Variants in SNTG1 observed in about 807,000 individuals in gnomAD.
The protein encoded by SNTG1 is syntrophin gamma 1.
In SNTG1, 39 loss-of-function variants were observed where a neutral mutation model predicts 74.7. The observed-to-expected ratio is 0.52, with a 90% CI of 0.40 to 0.68. The LOEUF is 0.68. Among genes scored for constraint, SNTG1 ranks in the 30% least tolerant of loss-of-function variants. The pLI, the probability that SNTG1 is intolerant of heterozygous loss-of-function variation, is 0.00. For synonymous variants in SNTG1, 254 were observed against 217.1 expected (o/e 1.17, Z -1.49); for missense variants, 685 against 609.5 (o/e 1.12, Z -1.30).
chr8:50,590,857 T>C (rs2094687012), intron 12 of SNTG1, 22 bp from the exon 13 acceptor site: 2 of 1,495,134 alleles, frequency 1.3e-6, no homozygotes, highest in Non-Finnish European at 1.8e-6. Context: ...TTCTCACTTT[T>C]ATTATTTATT....
intron 13 of SNTG1, among the ~76,000 whole-genome samples, chr8:50,650,655 A>T (rs2095139231): frequency 6.6e-6 from 1 of 152,022 alleles, no homozygotes; most frequent in Admixed American, 6.6e-5. Context: ...TTCTTTCTGC[A>T]TCTATTCTGA....
intron 13 of SNTG1, among the ~76,000 whole-genome samples, chr8:50,618,504 T>G (rs570635641): frequency 6.6e-6 from 1 of 152,324 alleles, no homozygotes; most frequent in East Asian, 1.9e-4. Context: ...TATAATAAAT[T>G]ACCACAAACC....
At chr8:50,237,510 T>C (rs750156747) in intron 2 of SNTG1, among the ~76,000 whole-genome samples, 1 of 152,190 alleles carries the variant, frequency 6.6e-6, no homozygotes, top group Non-Finnish European at 1.5e-5. Context: ...GAAAACATCA[T>C]CTTATCAACT....
intron 2 of SNTG1, among the ~76,000 whole-genome samples, chr8:50,382,898 G>A (rs1479253886): frequency 6.6e-5 from 10 of 152,154 alleles, no homozygotes; most frequent in Admixed American, 6.5e-4. Context: ...TCTTGGGCAG[G>A]AGTTGGTGCT....
intron 1 of SNTG1, among the ~76,000 whole-genome samples, chr8:49,964,985 A>T (rs1811015386): frequency 6.6e-6 from 1 of 152,220 alleles, no homozygotes; most frequent in Non-Finnish European, 1.5e-5. Flanking sequence ...TTATTAAGGC[A>T]AGTTAAAATT....
At chr8:50,776,088 C>T (rs2095640021) in intron 18 of SNTG1, among the ~76,000 whole-genome samples, 1 of 151,218 alleles carries the variant, frequency 6.6e-6, no homozygotes, top group Non-Finnish European at 1.5e-5. Context: ...AGACAACTTA[C>T]TTTTATTTTA....
At chr8:50,301,440 G>A (rs1348764536) in intron 2 of SNTG1, among the ~76,000 whole-genome samples, 1 of 151,766 alleles carries the variant, frequency 6.6e-6, no homozygotes, top group Non-Finnish European at 1.5e-5. Flanking sequence ...TCTCTTTATT[G>A]ACATTCTATA....
At chr8:49,948,896 G>T (rs895381170) in intron 1 of SNTG1, among the ~76,000 whole-genome samples, 1 of 152,198 alleles carries the variant, frequency 6.6e-6, no homozygotes, top group Non-Finnish European at 1.5e-5. Context: ...GAGAGGCCCA[G>T]TCCACCTTTT....
In SNTG1 at chr8:50,529,012, T is replaced by G. The variant is rs544528039; in HGVS notation, c.467-1165T>G. Among the ~76,000 whole-genome samples the G allele has an allele frequency of 1.5e-3, 228 of 151,990 alleles. 1 individual carries two copies. Among genetic ancestry groups the G allele is most frequent in the African/African-American group, 5.2e-3 (216 of 41,558 alleles). On this transcript the variant is annotated intron_variant, in intron 9 of 18. Transcript: ENST00000642720. Reference sequence around the variant, plus strand: ...AAGATCATTAAGTTTATACCTACCTTCTTTTGGTGTATGTATTTAAACATT... The same window carrying G: ...AAGATCATTAAGTTTATACCTACCTGCTTTTGGTGTATGTATTTAAACATT...
chr8:50,702,519 G>T (rs938028906), intron 15 of SNTG1, among the ~76,000 whole-genome samples: 2 of 152,088 alleles, frequency 1.3e-5, no homozygotes, highest in East Asian at 1.9e-4. Flanking sequence ...TTAAACATTT[G>T]CCAAAGCAGA....
intron 2 of SNTG1, among the ~76,000 whole-genome samples, chr8:50,278,805 T>G (rs2088265839): frequency 6.6e-6 from 1 of 150,924 alleles, no homozygotes; most frequent in African/African-American, 2.4e-5. Context: ...CCACAGTGTT[T>G]CAGATAAGGC....
chr8:50,104,004 A>G lies in SNTG1; in HGVS notation c.-102-68557A>G, dbSNP rs562341445. Among the ~76,000 whole-genome samples, 11 of 152,216 alleles carry G rather than the reference A, an allele frequency of 7.2e-5. 1 individual carries two copies. The highest frequency in any genetic ancestry group is 2.4e-4 in the African/African-American group (10 of 41,528). On this transcript the variant is annotated intron_variant, in intron 1 of 18. Coordinates refer to ENST00000642720, the MANE Select transcript of SNTG1 (RefSeq NM_018967.5). ...ATTTTTGCATCAATGTTCATCAGGG[A>G]TATCAGTCTAAAATTCTCTTTTTTG...
At chr8:50,273,934 A>G (rs2087932175) in intron 2 of SNTG1, among the ~76,000 whole-genome samples, 2 of 152,186 alleles carry the variant, frequency 1.3e-5, no homozygotes, top group South Asian at 4.1e-4. Flanking sequence ...GATTCATTTC[A>G]TCAAAACTTT....
intron 13 of SNTG1, chr8:50,644,447 T>C (rs1465989097): frequency 6.6e-6 from 1 of 152,166 alleles, no homozygotes; most frequent in Admixed American, 6.5e-5. Context: ...CCACTCCGAC[T>C]TAATTAATAG....
intron 15 of SNTG1, among the ~76,000 whole-genome samples, chr8:50,676,773 T>A (rs2131371433): frequency 6.6e-6 from 1 of 152,096 alleles, no homozygotes; most frequent in South Asian, 2.1e-4. Flanking sequence ...TATCTTATAA[T>A]TCTCAAAATG....
At chr8:50,552,969 G>A (rs1416813304) in intron 11 of SNTG1, 81 bp from the exon 12 acceptor site, 32 of 1,522,106 alleles carry the variant, frequency 2.1e-5, no homozygotes, top group Non-Finnish European at 2.8e-5. Context: ...TGAAAGATAA[G>A]CTTTTCAACA....
chr8:50,315,107 ACT>A (rs1442098141), intron 2 of SNTG1, among the ~76,000 whole-genome samples: 1 of 149,810 alleles, frequency 6.7e-6, no homozygotes, highest in African/African-American at 2.5e-5. Flanking sequence ...AAGTCATTTA[ACT>A]CTGTTATAAT....
intron 1 of SNTG1, among the ~76,000 whole-genome samples, chr8:49,922,992 T>C (rs1806690404): frequency 1.3e-5 from 2 of 152,190 alleles, no homozygotes; most frequent in Admixed American, 1.3e-4. Context: ...TTTCCTGCTG[T>C]GGTAGATATT....
chr8:50,677,134 T>C lies in SNTG1; in HGVS notation c.1038+18471T>C, dbSNP rs373777235. On this transcript the variant is annotated intron_variant, in intron 15 of 18. Transcript: ENST00000642720. ...GGATTTCCATGTTGCAGAAATTTGT[T>C]CCCCTTTAAGCTGAGTCAGAAGATA... Among the ~76,000 whole-genome samples the C allele has an allele frequency of 3.3e-5, 5 of 151,964 alleles. No homozygotes were observed. The East Asian group carries it at 7.7e-4, about 23-fold the overall frequency.
Sources: allele counts gnomAD v4.1 joint callset (sites outside exome capture counted in the v4.1 genomes callset), GRCh38; gene constraint gnomAD v4.1.1; transcripts MANE v1.5; gene names NCBI Gene and HGNC (gene_info 2026-07-23, HGNC 2026-07-21).